Variants in DNAH5 observed in about 807,000 individuals in gnomAD.
The protein encoded by DNAH5 is axonemal beta dynein heavy chain 5.
A neutral mutation model predicts 518.2 loss-of-function variants in DNAH5; 372 were observed. The observed-to-expected ratio is 0.72, with a 90% CI of 0.66 to 0.78. The LOEUF (loss-of-function observed/expected upper bound fraction) is 0.78. Among genes scored for constraint, DNAH5 ranks in the 30% least tolerant of loss-of-function variants. The probability of loss-of-function intolerance (pLI) is 0.00; values close to 1 mark genes in which losing one functional copy is unlikely to be tolerated. For missense variants in DNAH5, 5,523 were observed against 5,687.0 expected, an observed-to-expected ratio of 0.97 and a Z score of 0.93; for synonymous variants, 2,039 against 2,025.9, an observed-to-expected ratio of 1.01 and a Z score of -0.17.
chr5:13,735,496 A>G (rs1262333183), intron 67 of DNAH5, among the ~76,000 whole-genome samples, 175 bp from the exon 68 acceptor site: 1 of 152,240 alleles, frequency 6.6e-6, no homozygotes, highest in Non-Finnish European at 1.5e-5. Flanking sequence ...ATGAAATAAT[A>G]TAACAGAATC....
Position 13,692,009 on chromosome 5 carries a change from A to C in DNAH5, c.13850T>G (p.Val4617Gly), listed in dbSNP as rs778096108. 1 of 1,614,002 alleles carries C rather than the reference A, an allele frequency of 6.2e-7. No homozygotes were observed. The highest frequency in any genetic ancestry group is 1.7e-5 in the Admixed American group (1 of 59,996). The change falls in exon 79 of 79, where the codon GTT (valine) becomes GGT (glycine). Residue 4617 changes from valine to glycine, a missense_variant. Physicochemically the swap from Val to Gly is moderately radical, Grantham distance 109. Coordinates refer to ENST00000265104, the MANE Select transcript of DNAH5 (RefSeq NM_001369.3). Reference protein sequence around the residue: ...QTPEHWVLRGVALLCDVK With the variant: ...QTPEHWVLRGGALLCDVK ...TTACTTGACATCACACAGAAGGGCA[A>C]CCCCACGGAGCACCCAGTGTTCAGG...
intron 6 of DNAH5, 165 bp from the exon 7 acceptor site, chr5:13,919,517 A>G (rs866300084): frequency 1.4e-6 from 1 of 739,248 alleles, no homozygotes; most frequent in Non-Finnish European, 2.0e-6. Context: ...GCATGCATCC[A>G]TTTTTAAAAC....
In DNAH5 at chr5:13,890,961, C is replaced by T; in HGVS notation, c.2577+15G>A. 6.2e-7 allele frequency: 1 copy of T among 1,613,630 alleles called. No homozygotes were observed. Among genetic ancestry groups the T allele is most frequent in the Non-Finnish European group, 8.5e-7 (1 of 1,179,814 alleles). ...ACCAAAAACCTTAAACAAAAAAAAT[C>T]AAGGTTTTAATGACCTTTGTCATTT... On this transcript the variant is annotated intron_variant, in intron 17 of 78. Transcript: ENST00000265104.
At chr5:13,919,424 A>C in intron 6 of DNAH5, 72 bp from the exon 7 acceptor site, 2 of 1,559,676 alleles carry the variant, frequency 1.3e-6, no homozygotes, top group Admixed American at 3.4e-5. Flanking sequence ...ACAAGCAAAA[A>C]ACAAATAAGG....
intron 1 of DNAH5, among the ~76,000 whole-genome samples, chr5:13,982,855 G>GTGAGT (rs962439822): frequency 3.7e-4 from 57 of 152,386 alleles, no homozygotes; most frequent in African/African-American, 1.4e-3. Flanking sequence ...AGGCCTTGTG[G>GTGAGT]TGAGCTCTGC....
intron 15 of DNAH5, chr5:13,898,626 T>C (rs1392342855): frequency 5.0e-6 from 2 of 398,512 alleles, no homozygotes; most frequent in Non-Finnish European, 8.8e-6. Context: ...GCCACAGTTT[T>C]GTCATCTACG....
chr5:13,960,691 T>G (rs1233172179), intron 1 of DNAH5, among the ~76,000 whole-genome samples: 3 of 152,214 alleles, frequency 2.0e-5, no homozygotes. Flanking sequence ...GGGGAACCCC[T>G]GGCCAAGGCA....
At chr5:13,972,800 C>A (rs575313621) in intron 1 of DNAH5, among the ~76,000 whole-genome samples, 1 of 152,314 alleles carries the variant, frequency 6.6e-6, no homozygotes, top group South Asian at 2.1e-4. Context: ...TGATGTGAGT[C>A]TCCACATGCT....
At chr5:13,740,985 C>T (rs1209482295) in intron 65 of DNAH5, among the ~76,000 whole-genome samples, 1 of 152,134 alleles carries the variant, frequency 6.6e-6, no homozygotes, top group Non-Finnish European at 1.5e-5. Context: ...ATTAGTGAAA[C>T]AAAGCCTGGT....
At chr5:13,718,053 A>G (rs1477089189) in intron 72 of DNAH5, among the ~76,000 whole-genome samples, 3 of 151,762 alleles carry the variant, frequency 2.0e-5, no homozygotes, top group Non-Finnish European at 4.4e-5. Flanking sequence ...TTATCCTTCC[A>G]CCTCTCTTTT....
chr5:13,931,200 A>T lies in DNAH5; in HGVS notation c.102T>A (p.Asp34Glu). ...GEKEAKRALL[D>E]ARHNYLFAIV... Reference sequence around the variant, plus strand: ...TTGCAAATAAGTAGTTATGCCTCGCATCCAAAAGAGCCCGCTTGGCTTCCT... The same window carrying T: ...TTGCAAATAAGTAGTTATGCCTCGCTTCCAAAAGAGCCCGCTTGGCTTCCT... The change falls in exon 2 of 79, where the codon GAT becomes GAA. Residue 34 changes from aspartate (D) to glutamate (E), a missense_variant. By Grantham distance (45) the Asp-to-Glu change is conservative. This residue lies in a region of DNAH5 where 5,121 missense variants were observed against 5,223.3 expected (regional missense o/e 0.98). Transcript: ENST00000265104. The T allele has an allele frequency of 6.2e-7, 1 of 1,614,148 alleles. No homozygotes were observed. The highest frequency in any genetic ancestry group is 1.1e-5 in the South Asian group (1 of 91,086).
chr5:13,762,826 T>C lies in DNAH5; in HGVS notation c.10177A>G (p.Ile3393Val), dbSNP rs1462953113. 1.2e-5 allele frequency: 20 copies of C among 1,614,078 alleles called. No homozygotes were observed. Among genetic ancestry groups the C allele is most frequent in the Non-Finnish European group, 1.7e-5 (20 of 1,179,906 alleles). ...SPYFEMPDYN[I>V]ETAKRVCGNV... ...CCACATACGCGTTTAGCAGTTTCGATGTTATAGTCAGGCATTTCAAAGTAA... is the reference window on the plus strand; with the variant it reads ...CCACATACGCGTTTAGCAGTTTCGACGTTATAGTCAGGCATTTCAAAGTAA... Residue 3393 changes from isoleucine to valine, a missense_variant, in exon 60 of 79, where the codon ATC becomes GTC. Transcript: ENST00000265104.
At chr5:13,753,142 T>C (rs1750485087) in intron 63 of DNAH5, 91 bp downstream of exon 63, 2 of 921,458 alleles carry the variant, frequency 2.2e-6, no homozygotes, top group East Asian at 5.0e-5. Context: ...ACATCTCTAG[T>C]GTTTTCAAAT....
intron 75 of DNAH5, 141 bp from the exon 76 acceptor site, chr5:13,708,476 GAA>G (rs5866062): frequency 3.4e-5 from 21 of 622,730 alleles, no homozygotes; most frequent in African/African-American, 1.2e-4. Context: ...ATGGCAAAAA[GAA>G]AAAAAAAAAG....
At chr5:13,840,064 C>A (rs1423928255) in intron 34 of DNAH5, among the ~76,000 whole-genome samples, 1 of 152,084 alleles carries the variant, frequency 6.6e-6, no homozygotes, top group Non-Finnish European at 1.5e-5. Context: ...ATTTTTTAAC[C>A]AAAATTTTAA....
intron 1 of DNAH5, among the ~76,000 whole-genome samples, chr5:13,961,037 G>A (rs189268933): frequency 2.6e-5 from 4 of 152,258 alleles, no homozygotes; most frequent in Admixed American, 2.0e-4. Flanking sequence ...GAAAGAAATT[G>A]GAATGAGTTT....
intron 31 of DNAH5, among the ~76,000 whole-genome samples, chr5:13,845,254 T>C (rs979014526): frequency 1.3e-5 from 2 of 152,086 alleles, no homozygotes; most frequent in Non-Finnish European, 2.9e-5. Context: ...ATGTACACAT[T>C]TTGCACAGTC....
intron 47 of DNAH5, among the ~76,000 whole-genome samples, chr5:13,804,671 T>C (rs543530504): frequency 3.3e-5 from 5 of 152,254 alleles, no homozygotes; most frequent in South Asian, 4.1e-4. Context: ...AAAAAAGAAA[T>C]AGTGATGTGT....
intron 78 of DNAH5, 31 bp downstream of exon 78, chr5:13,700,609 G>C: frequency 1.3e-6 from 2 of 1,575,064 alleles, no homozygotes; most frequent in Non-Finnish European, 1.7e-6. Context: ...CGAACAATGC[G>C]AGCCCTTACT....
Sources: allele counts gnomAD v4.1 joint callset (sites outside exome capture counted in the v4.1 genomes callset), GRCh38; gene constraint gnomAD v4.1.1; regional missense constraint gnomAD v4.1.1; transcripts MANE v1.5; gene names NCBI Gene and HGNC (gene_info 2026-07-23, HGNC 2026-07-21).